Variants in EPG5 observed in about 807,000 individuals in gnomAD.
EPG5 encodes ectopic P granules protein 5 homolog.
In EPG5, 159 loss-of-function variants were observed where a neutral mutation model predicts 302.7. That is an observed-to-expected ratio of 0.53 (90% CI 0.46 to 0.60). The LOEUF is 0.60. Among genes scored for constraint, EPG5 ranks in the 20% least tolerant of loss-of-function variants. The pLI is 0.00. For missense variants in EPG5, 2,896 were observed against 3,092.4 expected, an observed-to-expected ratio of 0.94 and a Z score of 1.51; for synonymous variants, 1,158 against 1,136.8, an observed-to-expected ratio of 1.02 and a Z score of -0.37.
intron 1 of EPG5, among the ~76,000 whole-genome samples, chr18:45,958,363 A>G (rs1308574969): frequency 1.3e-5 from 2 of 152,202 alleles, no homozygotes; most frequent in Non-Finnish European, 2.9e-5. Context: ...AGTGACCCAC[A>G]ACAGACAGAA....
At chr18:45,867,470 G>T in intron 37 of EPG5, 93 bp downstream of exon 37, 2 of 983,108 alleles carry the variant, frequency 2.0e-6, no homozygotes, top group Non-Finnish European at 3.2e-6. Flanking sequence ...ACTGATAGGG[G>T]CACTGGAAAA....
At chr18:45,846,635 CTT>C (rs2048367041), downstream of EPG5, among the ~76,000 whole-genome samples, 1 of 149,844 alleles carries the variant, frequency 6.7e-6, no homozygotes, top group Non-Finnish European at 1.5e-5. Flanking sequence ...GGAAAGAGAT[CTT>C]GTTACCAGAA....
At chr18:45,825,704 C>T in the EPG5 span, 1 of 1,614,060 alleles carries the variant, frequency 6.2e-7, no homozygotes, top group Non-Finnish European at 8.5e-7. Context: ...GCGGGTCTGG[C>T]CTGGGGTGTT....
chr18:45,864,855 A>C (rs1333989538), intron 39 of EPG5, among the ~76,000 whole-genome samples: 1 of 152,230 alleles, frequency 6.6e-6, no homozygotes, highest in Non-Finnish European at 1.5e-5. Flanking sequence ...TTTCCTGCAT[A>C]AACATTTAAC....
At chr18:45,944,933 G>T (rs1279625367) in intron 7 of EPG5, among the ~76,000 whole-genome samples, 1 of 152,150 alleles carries the variant, frequency 6.6e-6, no homozygotes, top group African/African-American at 2.4e-5. Flanking sequence ...AAATAACAGT[G>T]GTCATACACA....
At chr18:45,908,183 G>A (rs918705047) in intron 23 of EPG5, 102 bp from the exon 24 acceptor site, 23 of 940,926 alleles carry the variant, frequency 2.4e-5, no homozygotes, top group Non-Finnish European at 3.5e-5. Flanking sequence ...TAAGAGTAAA[G>A]AAAGCCCATA....
intron 11 of EPG5, among the ~76,000 whole-genome samples, chr18:45,933,286 TAAG>T (rs2050439271): frequency 6.6e-6 from 1 of 151,448 alleles, no homozygotes; most frequent in African/African-American, 2.4e-5. Context: ...GAGCTACCAC[TAAG>T]AAGATAGAAA....
intron 1 of EPG5, among the ~76,000 whole-genome samples, chr18:45,964,916 G>A (rs1284966614): frequency 6.6e-6 from 1 of 152,188 alleles, no homozygotes; most frequent in Non-Finnish European, 1.5e-5. Context: ...TCGCGCCACT[G>A]CACTCCAGCC....
At position 45,880,211 on chromosome 18, in the gene EPG5, T is replaced by C. The variant is rs1232750336; in HGVS notation, c.5531A>G (p.Gln1844Arg). Residue 1844 changes from glutamine to arginine, a missense_variant, in exon 32 of 44, where the codon CAG (glutamine) becomes CGG (arginine). Gln to Arg is a conservative substitution (Grantham distance 43). This residue lies in a region of EPG5 where 790 missense variants were observed against 798.0 expected (regional missense o/e 0.99). Coordinates refer to ENST00000282041, the MANE Select transcript of EPG5 (RefSeq NM_020964.3). Reference sequence around the variant, plus strand: ...CTTCCAACACTCGGGGCTCAGAAGCTGCTCCGCGGAGCCTGCCAGCAGGGA... The same window carrying C: ...CTTCCAACACTCGGGGCTCAGAAGCCGCTCCGCGGAGCCTGCCAGCAGGGA... Reference protein sequence around the residue: ...LRLLMQSSAEQLLSPECWKAT... With the variant: ...LRLLMQSSAERLLSPECWKAT... 9 of 1,599,368 alleles carry C rather than the reference T, an allele frequency of 5.6e-6. No homozygotes were observed. The highest frequency in any genetic ancestry group is 1.7e-4 in the Middle Eastern group (1 of 5,996).
chr18:45,857,727 C>A lies in EPG5; in HGVS notation c.7442+126G>T. Reference sequence around the variant, plus strand: ...TGTTTTTTTTTTCTTTTTTTTTTTCCATTAATCTTTCTGGAGAACCTAGAT... The same window carrying A: ...TGTTTTTTTTTTCTTTTTTTTTTTCAATTAATCTTTCTGGAGAACCTAGAT... On this transcript the variant is annotated intron_variant, in intron 42 of 43. Transcript: ENST00000282041. 5 of 575,276 alleles carry A rather than the reference C, an allele frequency of 8.7e-6. No individual in the cohort carries two copies. In the South Asian group the frequency reaches 1.0e-4, roughly 12 times the overall value. 35.6% of individuals were successfully genotyped at this position (575,276 alleles called of 1,614,324 possible). A position where few individuals can be genotyped will look rare whatever the true frequency, so the allele number is the denominator to read the frequency against.
intron 27 of EPG5, among the ~76,000 whole-genome samples, chr18:45,896,164 C>T (rs2145548503): frequency 6.6e-6 from 1 of 152,330 alleles, no homozygotes; most frequent in Non-Finnish European, 1.5e-5. Context: ...ATATAACTTT[C>T]AAGATTATTT....
rs922848860 is a variant in EPG5, at chr18:45,890,037, A to G, written c.4810-97T>C. 4 of 1,064,048 alleles carry G rather than the reference A, an allele frequency of 3.8e-6. No individual in the cohort carries two copies. The East Asian group carries it at 8.0e-5, about 21-fold the overall frequency. 65.9% of individuals were successfully genotyped at this position (1,064,048 alleles called of 1,614,324 possible). A position where few individuals can be genotyped will look rare whatever the true frequency, so the allele number is the denominator to read the frequency against. On this transcript the variant is annotated intron_variant, in intron 27 of 43. Coordinates refer to ENST00000282041, the MANE Select transcript of EPG5 (RefSeq NM_020964.3). ...AATAAAATTATTGTCTTATAAAAAT[A>G]CCAAAATTTGTATCTCTTTATATGA...
At position 45,904,086 on chromosome 18, in the gene EPG5, C is replaced by T. The variant is rs766875773; in HGVS notation, c.4361G>A (p.Arg1454His). The change falls in exon 25 of 44, where the codon CGC becomes CAC. Residue 1454 changes from arginine (R) to histidine (H), a missense_variant. This residue lies in a region of EPG5 where 790 missense variants were observed against 798.0 expected (regional missense o/e 0.99). Transcript: ENST00000282041. ...AGTCTCCTGAAACTCATGATAGATG[C>T]GCTCCATGTTCAAATACTCCATCCA... ...DLWMEYLNME[R>H]IYHEFQETVG... 23 of 1,612,128 alleles carry T rather than the reference C, an allele frequency of 1.4e-5. No individual in the cohort carries two copies. Among genetic ancestry groups the T allele is most frequent in the South Asian group, 1.1e-4 (10 of 90,714 alleles).
chr18:45,898,661 T>G (rs1290364973), intron 27 of EPG5, among the ~76,000 whole-genome samples: 1 of 152,218 alleles, frequency 6.6e-6, no homozygotes, highest in Non-Finnish European at 1.5e-5. Context: ...CCCTGCCATG[T>G]GCAGCAGACA....
the EPG5 span, among the ~76,000 whole-genome samples, chr18:45,823,429 T>A: frequency 6.6e-6 from 1 of 152,096 alleles, no homozygotes. Flanking sequence ...GTCCCTAAAT[T>A]ACCTCTCTCA....
At chr18:45,802,612 G>C in the EPG5 span, among the ~76,000 whole-genome samples, 5 of 152,242 alleles carry the variant, frequency 3.3e-5, no homozygotes, top group Admixed American at 1.3e-4. Context: ...GGAGGAGGTG[G>C]GGACTAAGCC....
intron 16 of EPG5, among the ~76,000 whole-genome samples, chr18:45,921,224 C>G (rs887386845): frequency 6.6e-6 from 1 of 152,210 alleles, no homozygotes; most frequent in Non-Finnish European, 1.5e-5. Context: ...TAGCACAACG[C>G]TGAAGACTAC....
At chr18:45,842,438 T>TGAGAGA in the EPG5 span, 5 of 496,966 alleles carry the variant, frequency 1.0e-5, no homozygotes, top group East Asian at 3.5e-5. Context: ...TGTGTGTGTG[T>TGAGAGA]GTGTGAGAGA....
chr18:45,904,727 T>C (rs2049705912), intron 24 of EPG5, among the ~76,000 whole-genome samples: 1 of 144,564 alleles, frequency 6.9e-6, no homozygotes, highest in East Asian at 2.1e-4. Context: ...ATTTAAACTA[T>C]GAAAATAAAT....
Sources: allele counts gnomAD v4.1 joint callset (sites outside exome capture counted in the v4.1 genomes callset), GRCh38; gene constraint gnomAD v4.1.1; regional missense constraint gnomAD v4.1.1; transcripts MANE v1.5; gene names NCBI Gene and HGNC (gene_info 2026-07-23, HGNC 2026-07-21).